The following EFCAB10 variants were observed in gnomAD, a reference collection of about 807,000 sequenced individuals.
EFCAB10 encodes EF-hand calcium-binding domain-containing protein 10.
Under a neutral mutation model 7.7 loss-of-function variants are expected in EFCAB10, and 7 were observed. The ratio of observed to expected loss-of-function variants is 0.91; its 90% CI spans 0.52 to 1.72. The LOEUF is 1.72. Ranked by LOEUF, EFCAB10 falls within the 40% of genes most tolerant of loss-of-function variation. EFCAB10 has a pLI of 0.00. For synonymous variants in EFCAB10, 52 were observed against 21.0 expected, an observed-to-expected ratio of 2.47 and a Z score of -4.03; for missense variants, 112 against 61.5, an observed-to-expected ratio of 1.82 and a Z score of -2.74.
chr7:105,571,789 A>C (rs1230688229), intron 1 of EFCAB10: 1 of 151,946 alleles, frequency 6.6e-6, no homozygotes. Flanking sequence ...TCCACCTTAC[A>C]GTCCTGATTT....
Position 105,570,947 on chromosome 7 carries a change from C to T in EFCAB10, c.107-1376G>A, listed in dbSNP as rs935942001. On this transcript the variant is annotated intron_variant, in intron 1 of 4. Coordinates refer to ENST00000480514, the MANE Select transcript of EFCAB10 (RefSeq NM_001355526.2). ...GGCTGAGGCAGGAGAATGGCGTGAA[C>T]CTGGGAGGTGGACCTTGCAGTGAGC... The T allele has an allele frequency of 3.9e-5, 6 of 152,038 alleles. 1 individual carries two copies. Among genetic ancestry groups the T allele is most frequent in the African/African-American group, 1.4e-4 (6 of 41,382 alleles). The allele number at this position is 152,038 out of a possible 1,614,324, so 9.4% of individuals were successfully genotyped here. A position where few individuals can be genotyped will look rare whatever the true frequency, so the allele number is the denominator to read the frequency against.
chr7:105,565,700 G>A (rs766704513), intron 4 of EFCAB10: 3 of 1,225,346 alleles, frequency 2.4e-6, no homozygotes, highest in Non-Finnish European at 3.5e-6. Context: ...GTTACAGGAG[G>A]CTAACTCCTT....
intron 1 of EFCAB10, chr7:105,573,616 C>G (rs1016135212): frequency 6.6e-6 from 1 of 152,148 alleles, no homozygotes; most frequent in African/African-American, 2.4e-5. Context: ...TTACTAACCA[C>G]CTATGTTACA....
chr7:105,578,211 C>T (rs538977890), intron 1 of EFCAB10, among the ~76,000 whole-genome samples: 4 of 152,112 alleles, frequency 2.6e-5, no homozygotes, highest in East Asian at 1.9e-4. Flanking sequence ...AAAATATCCC[C>T]GGTTTGGATG....
chr7:105,577,823 A>G (rs529722077), intron 1 of EFCAB10, among the ~76,000 whole-genome samples: 28 of 151,422 alleles, frequency 1.8e-4, no homozygotes, highest in Non-Finnish European at 3.1e-4. Flanking sequence ...CGTTCAAGCG[A>G]TTCTCCTGTC....
At chr7:105,576,543 C>T (rs1792085456) in intron 1 of EFCAB10, among the ~76,000 whole-genome samples, 1 of 152,156 alleles carries the variant, frequency 6.6e-6, no homozygotes, top group South Asian at 2.1e-4. Flanking sequence ...CCCAGGCTCA[C>T]ACCATTCTTC....
chr7:105,574,389 C>T (rs1792021089), intron 1 of EFCAB10, among the ~76,000 whole-genome samples: 1 of 152,028 alleles, frequency 6.6e-6, no homozygotes, highest in African/African-American at 2.4e-5. Flanking sequence ...TACAGTTCCA[C>T]ATGGCTGGGG....
chr7:105,569,187 T>G lies in EFCAB10; in HGVS notation c.359+16A>C, dbSNP rs1364930299. Reference sequence around the variant, plus strand: ...GCCACCTTATTAAAATATTTGTCACTTAAAAATAAACTTACACTTCCTCCT... The same window carrying G: ...GCCACCTTATTAAAATATTTGTCACGTAAAAATAAACTTACACTTCCTCCT... On this transcript the variant is annotated intron_variant, in intron 3 of 4. Coordinates refer to ENST00000480514, the MANE Select transcript of EFCAB10 (RefSeq NM_001355526.2). The G allele has an allele frequency of 4.3e-6, 3 of 699,728 alleles. No homozygotes were observed. Among genetic ancestry groups the G allele is most frequent in the Non-Finnish European group, 7.8e-6 (3 of 384,808 alleles). 43.3% of individuals were successfully genotyped at this position (699,728 alleles called of 1,614,324 possible). A position where few individuals can be genotyped will look rare whatever the true frequency, so the allele number is the denominator to read the frequency against.
rs1791874839 is a variant in EFCAB10, at chr7:105,569,266, G to GGTAAATC, written c.295_296insGATTTAC (p.Thr99ArgfsTer4). 1 of 702,310 alleles carries GGTAAATC rather than the reference G, an allele frequency of 1.4e-6. No individual in the cohort carries two copies. Among genetic ancestry groups the GGTAAATC allele is most frequent in the Admixed American group, 2.0e-5 (1 of 49,946 alleles). The allele number at this position is 702,310 out of a possible 1,614,324, so 43.5% of individuals were successfully genotyped here. On this transcript the variant is annotated frameshift_variant, in exon 3 of 5. Coordinates refer to ENST00000480514, the MANE Select transcript of EFCAB10 (RefSeq NM_001355526.2). LOFTEE classifies it high-confidence loss of function. ...ATCATCTTGTAAATCTTCATCTTCA[G>GGTAAATC]TGCATAGACCCAGGGTTTTTAGGGC...
chr7:105,570,262 T>TAC lies in EFCAB10; in HGVS notation c.107-692_107-691insGT, dbSNP rs1172456026. On this transcript the variant is annotated intron_variant, in intron 1 of 4. Transcript: ENST00000480514. ...AAAAATATATATATATATATATATA[T>TAC]ATATATACACACACACACACATACA... Among the ~76,000 whole-genome samples the TAC allele has an allele frequency of 5.3e-3, 478 of 89,588 alleles. 5 individuals are homozygous for TAC. The highest frequency in any genetic ancestry group is 7.9e-3 in the Non-Finnish European group (365 of 46,370). The allele number at this position is 89,588 out of a possible 152,430, so 58.8% of individuals were successfully genotyped here.
At chr7:105,574,684 C>T (rs903815124) in intron 1 of EFCAB10, among the ~76,000 whole-genome samples, 10 of 151,832 alleles carry the variant, frequency 6.6e-5, no homozygotes, top group African/African-American at 2.2e-4. Flanking sequence ...GGGGTTTCAC[C>T]GTGTTAGCCA....
chr7:105,576,770 C>A (rs954251363), intron 1 of EFCAB10, among the ~76,000 whole-genome samples: 11 of 152,106 alleles, frequency 7.2e-5, no homozygotes, highest in Admixed American at 7.2e-4. Context: ...AAGATGGTAC[C>A]CAGCCAGGTG....
intron 3 of EFCAB10, 76 bp downstream of exon 3, chr7:105,569,127 C>G: frequency 3.0e-6 from 2 of 674,504 alleles, no homozygotes; most frequent in South Asian, 3.3e-5. Context: ...AGATAGGAAC[C>G]TGTTTTAAAG....
intron 1 of EFCAB10, among the ~76,000 whole-genome samples, chr7:105,570,258 T>TAC (rs1791911764): frequency 2.1e-5 from 2 of 96,280 alleles, no homozygotes; most frequent in East Asian, 2.7e-4. Context: ...TATATATATA[T>TAC]ATATATATAT....
chr7:105,575,108 T>C (rs1675235043), intron 1 of EFCAB10, among the ~76,000 whole-genome samples: 2 of 141,544 alleles, frequency 1.4e-5, no homozygotes, highest in Admixed American at 7.1e-5. Flanking sequence ...ACAGCGAAAC[T>C]CTGTCTCAAA....
intron 1 of EFCAB10, chr7:105,572,857 T>C (rs1791984675): frequency 6.6e-6 from 1 of 152,186 alleles, no homozygotes; most frequent in South Asian, 2.1e-4. Flanking sequence ...ACAGCCTTTC[T>C]AACAGGTGTG....
intron 1 of EFCAB10, among the ~76,000 whole-genome samples, chr7:105,580,299 T>A (rs1260523720): frequency 6.6e-6 from 1 of 152,118 alleles, no homozygotes; most frequent in Non-Finnish European, 1.5e-5. Context: ...GCTTCACGAA[T>A]AGCTGGGATT....
At chr7:105,567,762 T>A in intron 3 of EFCAB10, 1 of 371,366 alleles carries the variant, frequency 2.7e-6, no homozygotes, top group Non-Finnish European at 4.9e-6. Flanking sequence ...CAGGGCACAG[T>A]GTCTCATGCC....
In EFCAB10 at chr7:105,576,384, C is replaced by T. The variant is rs527927676; in HGVS notation, c.106+4974G>A. 2.0e-5 allele frequency among the ~76,000 whole-genome samples: 3 copies of T among 152,172 alleles called. No individual in the cohort carries two copies. In the South Asian group the frequency reaches 6.2e-4, roughly 32 times the overall value. ...CTTATTCTGGCTCAGTGTTTCTGTA[C>T]CTATGGTTTCCTCTCCCCAGCTTTG... On this transcript the variant is annotated intron_variant, in intron 1 of 4. Transcript: ENST00000480514.
Sources: gnomAD v4.1 joint callset for allele counts (sites outside exome capture counted in the v4.1 genomes callset) on GRCh38, gnomAD v4.1.1 for gene constraint, MANE v1.5 for transcripts, NCBI Gene and HGNC (gene_info 2026-07-23, HGNC 2026-07-21) for gene names.